Variants in GATA4 observed in about 807,000 individuals in gnomAD.
GATA4 encodes transcription factor GATA-4.
GATA4 carries 7 observed loss-of-function variants against 37.9 expected under a neutral mutation model. The observed-to-expected ratio is 0.18, with a 90% confidence interval of 0.11 to 0.35. The LOEUF is 0.35. GATA4 is among the 10% of genes least tolerant of loss of function. The pLI, the probability that GATA4 is intolerant of heterozygous loss-of-function variation, is 1.00. For missense variants in GATA4, 647 were observed against 653.0 expected, an observed-to-expected ratio of 0.99 and a Z score of 0.10; for synonymous variants, 372 against 292.6, an observed-to-expected ratio of 1.27 and a Z score of -2.77.
intron 2 of GATA4, among the ~76,000 whole-genome samples, chr8:11,733,311 A>AT: frequency 6.6e-6 from 1 of 152,374 alleles, no homozygotes; most frequent in Admixed American, 6.5e-5. Flanking sequence ...TAAAATTTAT[A>AT]TGAAAGAGTT....
chr8:11,687,146 C>T (rs984015053), intron 1 of GATA4, among the ~76,000 whole-genome samples: 1 of 152,138 alleles, frequency 6.6e-6, no homozygotes, highest in East Asian at 1.9e-4. Flanking sequence ...GAGGAGGACA[C>T]AGCTGGGAGG....
At chr8:11,702,973 C>T (rs562731160), upstream of GATA4, among the ~76,000 whole-genome samples, 2 of 152,336 alleles carry the variant, frequency 1.3e-5, no homozygotes, top group East Asian at 3.9e-4. This position sits in a 1 kb window ranked among gnomAD's most constrained non-coding sequence, Gnocchi z 4.4. Context: ...TCTACCCAGC[C>T]CCGCGTCCTG....
At chr8:11,713,002 C>A (rs1415596170) in intron 2 of GATA4, among the ~76,000 whole-genome samples, 1 of 152,100 alleles carries the variant, frequency 6.6e-6, no homozygotes, top group African/African-American at 2.4e-5. Context: ...GACTAATTAA[C>A]CTTAACTCAG....
At chr8:11,692,350 C>A (rs1404967274), upstream of GATA4, among the ~76,000 whole-genome samples, 1 of 152,212 alleles carries the variant, frequency 6.6e-6, no homozygotes, top group East Asian at 1.9e-4. Context: ...ACATTAGAAA[C>A]GTACAAAAAA....
chr8:11,752,541 C>G (rs368344090), intron 4 of GATA4, among the ~76,000 whole-genome samples: 1 of 152,206 alleles, frequency 6.6e-6, no homozygotes, highest in East Asian at 1.9e-4. Context: ...ACTCAGTTAT[C>G]TCCCATCAGG....
chr8:11,716,018 T>TGTAG (rs1478699886), intron 2 of GATA4, among the ~76,000 whole-genome samples: 21 of 152,188 alleles, frequency 1.4e-4, no homozygotes, highest in Admixed American at 1.1e-3. Flanking sequence ...TCTTCATGAT[T>TGTAG]CATCCATGTT....
At chr8:11,741,917 A>C (rs181576427) in intron 2 of GATA4, among the ~76,000 whole-genome samples, 7 of 152,290 alleles carry the variant, frequency 4.6e-5, no homozygotes, top group Non-Finnish European at 7.4e-5. Flanking sequence ...AGGGATGGCC[A>C]AGGCATCTGT....
At chr8:11,742,585 C>T (rs543846590) in intron 2 of GATA4, among the ~76,000 whole-genome samples, 2 of 152,290 alleles carry the variant, frequency 1.3e-5, no homozygotes, top group East Asian at 1.9e-4. Context: ...CTGGTAACCG[C>T]CTCTGTTCAG....
chr8:11,756,328 T>C (rs968349468), intron 5 of GATA4, among the ~76,000 whole-genome samples: 3 of 152,246 alleles, frequency 2.0e-5, no homozygotes, highest in Non-Finnish European at 4.4e-5. Flanking sequence ...GTCTCACACC[T>C]GTGGTCTTCC....
upstream of GATA4, chr8:11,692,080 G>A: frequency 1.0e-6 from 1 of 984,580 alleles, no homozygotes. Context: ...GCTTTCCGTA[G>A]AAAGGGAAGG....
Position 11,708,401 on chromosome 8 carries a change from C to T in GATA4, c.89C>T (p.Ala30Val), listed in dbSNP as rs749821814. 1 of 1,541,396 alleles carries T rather than the reference C, an allele frequency of 6.5e-7. No homozygotes were observed. Among genetic ancestry groups the T allele is most frequent in the Non-Finnish European group, 8.7e-7 (1 of 1,150,180 alleles). ...GGCCCCGGCGCCTTCATGCACGGCG[C>T]GGGCGCCGCGTCCTCGCCAGTCTAC... is the stretch of plus-strand genomic sequence containing the variant. The part of the protein sequence containing the change: ...AGGPGAFMHG[A>V]GAASSPVYVP... Residue 30 changes from alanine to valine, a missense_variant, in exon 2 of 7, where the codon GCG (alanine) becomes GTG (valine). Transcript: ENST00000532059. The surrounding 1 kb of genome is among the most constrained non-coding windows in gnomAD (Gnocchi z 6.7).
At chr8:11,693,592 GAGAC>G (rs1376452533) in intron 1 of GATA4, among the ~76,000 whole-genome samples, 27 of 149,196 alleles carry the variant, frequency 1.8e-4, no homozygotes, top group African/African-American at 6.7e-4. Context: ...GAGAGAGAGA[GAGAC>G]AGAGGATTGA....
chr8:11,681,430 C>G (rs1296816103), intron 1 of GATA4: 2 of 983,864 alleles, frequency 2.0e-6, no homozygotes, highest in African/African-American at 1.8e-5. Flanking sequence ...GGGGCCGTAG[C>G]TACGATCCCC....
rs202213149 is a variant in GATA4 at position 11,708,374 on chromosome 8, G to T, written c.62G>T (p.Gly21Val). 5 of 1,555,636 alleles carry T rather than the reference G, an allele frequency of 3.2e-6. No individual in the cohort carries two copies. In the East Asian group the frequency reaches 1.2e-4, roughly 36 times the overall value. The part of the protein sequence containing the change: ...HGPPPGAYEA[G>V]GPGAFMHGAG... ...CCGCCCCCCGGTGCCTACGAGGCGG[G>T]CGGCCCCGGCGCCTTCATGCACGGC... Residue 21 changes from glycine (G) to valine (V), a missense_variant, in exon 2 of 7, where the codon GGC (glycine) becomes GTC (valine). This residue lies in a region of GATA4 where 379 missense variants were observed against 334.5 expected (regional missense o/e 1.13). Coordinates refer to ENST00000532059, the MANE Select transcript of GATA4 (RefSeq NM_001308093.3). This position sits in a 1 kb window ranked among gnomAD's most constrained non-coding sequence, Gnocchi z 6.7.
intron 1 of GATA4, chr8:11,681,489 TCGC>T (rs1798969833): frequency 1.4e-6 from 1 of 708,560 alleles, no homozygotes; most frequent in Non-Finnish European, 1.5e-6. Flanking sequence ...GGTGCGGCGC[TCGC>T]GGGGGGGGGG....
intron 2 of GATA4, among the ~76,000 whole-genome samples, chr8:11,714,713 T>A (rs1021566241): frequency 6.6e-6 from 1 of 152,230 alleles, no homozygotes; most frequent in African/African-American, 2.4e-5. Flanking sequence ...AGGCACTTTC[T>A]AAGCACTCAG....
intron 1 of GATA4, among the ~76,000 whole-genome samples, chr8:11,678,560 G>A (rs1016002085): frequency 2.0e-5 from 3 of 152,164 alleles, no homozygotes; most frequent in East Asian, 3.8e-4. Context: ...AAGCAGGGAC[G>A]GGCCAATCTG....
chr8:11,691,405 A>G (rs1251175154), upstream of GATA4, among the ~76,000 whole-genome samples: 1 of 152,034 alleles, frequency 6.6e-6, no homozygotes, highest in African/African-American at 2.4e-5. Context: ...GGTTCAAATG[A>G]TCTTCCCACC....
At chr8:11,755,413 T>C (rs1402651316) in intron 5 of GATA4, among the ~76,000 whole-genome samples, 1 of 152,260 alleles carries the variant, frequency 6.6e-6, no homozygotes, top group African/African-American at 2.4e-5. Flanking sequence ...GCCGAGGTCC[T>C]GCAGGAAAGA....
Sources: gnomAD v4.1 joint callset for allele counts (sites outside exome capture counted in the v4.1 genomes callset) on GRCh38, gnomAD v4.1.1 for gene constraint, gnomAD v4.1.1 regional missense constraint, Gnocchi (gnomAD v3.1) non-coding constraint, MANE v1.5 for transcripts, NCBI Gene and HGNC (gene_info 2026-07-23, HGNC 2026-07-21) for gene names.